Variants in CARD6 observed in about 807,000 individuals in gnomAD.
The protein encoded by CARD6 is caspase recruitment domain-containing protein 6.
Under a neutral mutation model 23.6 loss-of-function variants are expected in CARD6, and 27 were observed. The observed-to-expected ratio is 1.14, with a 90% CI of 0.84 to 1.58. The LOEUF is 1.58. CARD6 is among the 40% of genes most tolerant of loss of function. The probability of loss-of-function intolerance (pLI) is 0.00; values close to 1 mark genes in which losing one functional copy is unlikely to be tolerated. For synonymous variants in CARD6, 397 were observed against 431.8 expected, an observed-to-expected ratio of 0.92 and a Z score of 1.00; for missense variants, 1,214 against 1,209.9, an observed-to-expected ratio of 1.00 and a Z score of -0.05.
At chr5:40,847,803 AT>A (rs1286662187) in intron 2 of CARD6, among the ~76,000 whole-genome samples, 10 of 146,908 alleles carry the variant, frequency 6.8e-5, no homozygotes, top group Middle Eastern at 3.6e-3. Context: ...GTCTGGGGTG[AT>A]TTTTTTTTTC....
chr5:40,842,223 A>C (rs1745874777), intron 1 of CARD6, among the ~76,000 whole-genome samples: 1 of 152,246 alleles, frequency 6.6e-6, no homozygotes. Flanking sequence ...CTAGTAGTCC[A>C]TGAAAAAGCA....
rs976016463 is a variant in CARD6, at chr5:40,853,370, G to T, written c.2038G>T (p.Glu680Ter). Residue 680 changes from glutamate (E) to a stop codon, truncating the protein, a stop_gained, in exon 3 of 3, where the codon GAA becomes TAA. Transcript: ENST00000254691. LOFTEE classifies it low-confidence loss of function (END_TRUNC). ...SSGENMAGTA[E>*]GEGQQRHSQL... ...TGGAGAAAACATGGCTGGGACAGCT[G>T]AAGGTGAGGGTCAGCAAAGACACAG... 1 of 1,614,152 alleles carries T rather than the reference G, an allele frequency of 6.2e-7. No individual in the cohort carries two copies. Among genetic ancestry groups the T allele is most frequent in the African/African-American group, 1.3e-5 (1 of 75,046 alleles).
At chr5:40,844,868 C>CTT (rs761641223) in intron 2 of CARD6, among the ~76,000 whole-genome samples, 57 of 134,502 alleles carry the variant, frequency 4.2e-4, no homozygotes, top group South Asian at 9.6e-4. Flanking sequence ...TTGCTTCCTT[C>CTT]TTTTTTTTTT....
At chr5:40,848,927 A>G (rs1746011246) in intron 2 of CARD6, among the ~76,000 whole-genome samples, 1 of 151,844 alleles carries the variant, frequency 6.6e-6, no homozygotes, top group Non-Finnish European at 1.5e-5. Context: ...GTGTACATCT[A>G]CTCTGTTGCT....
Position 40,853,894 on chromosome 5 carries a change from C to A in CARD6, c.2562C>A (p.Ser854=). The change falls in exon 3 of 3, where the codon TCC becomes TCA. Residue 854 remains serine, a synonymous_variant. Transcript: ENST00000254691. ...AVASKIGHSY[S]LDSQPARAVG... is the part of the protein sequence containing the mutation. ...CCTCCAAGATAGGTCACTCCTATTC[C>A]CTGGATTCACAGCCAGCAAGAGCAG... is the stretch of plus-strand genomic sequence containing the variant. 1.9e-6 allele frequency: 3 copies of A among 1,614,140 alleles called. No homozygotes were observed. The highest frequency in any genetic ancestry group is 2.5e-6 in the Non-Finnish European group (3 of 1,180,034).
At chr5:40,844,868 CTTTTTTTTTTTT>C (rs761641223) in intron 2 of CARD6, among the ~76,000 whole-genome samples, 2 of 134,512 alleles carry the variant, frequency 1.5e-5, no homozygotes, top group Admixed American at 1.5e-4. Context: ...TTGCTTCCTT[CTTTTTTTTTTTT>C]TTTTTTTGAA....
chr5:40,850,024 A>G (rs755718035), intron 2 of CARD6, among the ~76,000 whole-genome samples: 5 of 152,066 alleles, frequency 3.3e-5, no homozygotes, highest in Non-Finnish European at 5.9e-5. Context: ...ATGGGAGATC[A>G]GGAAAAATTA....
chr5:40,843,597 T>C lies in CARD6; in HGVS notation c.729T>C (p.Gly243=). 1 of 1,608,422 alleles carries C rather than the reference T, an allele frequency of 6.2e-7. No individual in the cohort carries two copies. The highest frequency in any genetic ancestry group is 8.5e-7 in the Non-Finnish European group (1 of 1,178,614). ...ACCCAGAGCACGTTGGATATGATGG[T>C]GAAGAGGACTTCGAGAATTCAGAAA... ...YDDPEHVGYD[G]EEDFENSETT... Residue 243 remains glycine (G), a synonymous_variant, in exon 2 of 3, where the codon GGT becomes GGC. Coordinates refer to ENST00000254691, the MANE Select transcript of CARD6 (RefSeq NM_032587.4).
intron 2 of CARD6, among the ~76,000 whole-genome samples, chr5:40,844,390 C>T (rs933764898): frequency 5.9e-5 from 9 of 152,128 alleles, no homozygotes; most frequent in Non-Finnish European, 1.0e-4. Flanking sequence ...CCTGCCACCA[C>T]GCCTGGCTAA....
chr5:40,852,104 C>CA, intron 2 of CARD6, 70 bp from the exon 3 acceptor site: 4 of 998,130 alleles, frequency 4.0e-6, no homozygotes, highest in Non-Finnish European at 6.0e-6. Context: ...GAGACTGTCT[C>CA]AAAAAAAGAA....
chr5:40,854,042 G>A lies in CARD6; in HGVS notation c.2710G>A (p.Ala904Thr). The A allele has an allele frequency of 6.2e-7, 1 of 1,614,138 alleles. No homozygotes were observed. Among genetic ancestry groups the A allele is most frequent in the South Asian group, 1.1e-5 (1 of 91,086 alleles). Residue 904 changes from alanine (A) to threonine (T), a missense_variant, in exon 3 of 3, where the codon GCC becomes ACC. By Grantham distance (58) the Ala-to-Thr change is moderately conservative. Coordinates refer to ENST00000254691, the MANE Select transcript of CARD6 (RefSeq NM_032587.4). ...PHPQSFQPAA[A>T]TQKLRPASQQ... ...CCCTCAGTCCTTTCAACCAGCAGCA[G>A]CCACACAAAAACTAAGACCTGCTTC...
intron 1 of CARD6, among the ~76,000 whole-genome samples, chr5:40,842,570 T>G (rs1745879379): frequency 6.6e-6 from 1 of 152,208 alleles, no homozygotes; most frequent in South Asian, 2.1e-4. Context: ...TTCATATGAT[T>G]CAAATTTTTC....
Position 40,853,905 on chromosome 5 carries a change from A to G in CARD6, c.2573A>G (p.Gln858Arg). 3 of 1,614,202 alleles carry G rather than the reference A, an allele frequency of 1.9e-6. No homozygotes were observed. The highest frequency in any genetic ancestry group is 2.5e-6 in the Non-Finnish European group (3 of 1,180,038). The change falls in exon 3 of 3, where the codon CAG (glutamine) becomes CGG (arginine). Residue 858 changes from glutamine to arginine, a missense_variant. Coordinates refer to ENST00000254691, the MANE Select transcript of CARD6 (RefSeq NM_032587.4). ...GGTCACTCCTATTCCCTGGATTCACAGCCAGCAAGAGCAGTAGGGAAGCCA... is the reference window on the plus strand; with the variant it reads ...GGTCACTCCTATTCCCTGGATTCACGGCCAGCAAGAGCAGTAGGGAAGCCA... ...KIGHSYSLDSQPARAVGKPWP... is the reference protein window; with the variant it reads ...KIGHSYSLDSRPARAVGKPWP...
intron 2 of CARD6, among the ~76,000 whole-genome samples, chr5:40,850,229 A>T (rs1438827743): frequency 6.6e-6 from 1 of 151,776 alleles, no homozygotes; most frequent in Non-Finnish European, 1.5e-5. Context: ...CCTGGCTAAC[A>T]TAGTGAAACC....
intron 2 of CARD6, among the ~76,000 whole-genome samples, chr5:40,847,434 T>C (rs926806356): frequency 6.6e-6 from 1 of 152,234 alleles, no homozygotes; most frequent in Non-Finnish European, 1.5e-5. Context: ...CCCTGTGGCC[T>C]TTCTTTTTTC....
At chr5:40,845,087 C>T (rs1561213511) in intron 2 of CARD6, among the ~76,000 whole-genome samples, 1 of 151,792 alleles carries the variant, frequency 6.6e-6, no homozygotes, top group East Asian at 1.9e-4. Flanking sequence ...AGGCTGGTCT[C>T]GAACTCCTAA....
chr5:40,843,806 T>G (rs1745920742), intron 2 of CARD6, 97 bp downstream of exon 2: 2 of 767,478 alleles, frequency 2.6e-6, no homozygotes, highest in Non-Finnish European at 3.9e-6. Context: ...AAGGGACAGA[T>G]GTCAGCAGAA....
At chr5:40,841,795 A>G in intron 1 of CARD6, 130 bp downstream of exon 1, 1 of 778,224 alleles carries the variant, frequency 1.3e-6, no homozygotes, top group South Asian at 2.0e-5. Flanking sequence ...TTTCATTGAA[A>G]TATGAAATAG....
Position 40,854,268 on chromosome 5 carries a change from C to A in CARD6, c.2936C>A (p.Pro979His). 1.2e-6 allele frequency: 2 copies of A among 1,614,138 alleles called. No homozygotes were observed. The highest frequency in any genetic ancestry group is 1.7e-6 in the Non-Finnish European group (2 of 1,180,016). The change falls in exon 3 of 3, where the codon CCC (proline) becomes CAC (histidine). Residue 979 changes from proline to histidine, a missense_variant. Physicochemically the swap from Pro to His is moderately conservative, Grantham distance 77. Transcript: ENST00000254691. ...SSQTKSCQSQPSQTKPSPCKS... is the reference protein window; with the variant it reads ...SSQTKSCQSQHSQTKPSPCKS... ...CAGACAAAATCCTGTCAGTCCCAGC[C>A]CTCCCAAACTAAACCTTCTCCATGC...
Sources: gnomAD v4.1 joint callset for allele counts (sites outside exome capture counted in the v4.1 genomes callset) on GRCh38, gnomAD v4.1.1 for gene constraint, MANE v1.5 for transcripts, NCBI Gene and HGNC (gene_info 2026-07-23, HGNC 2026-07-21) for gene names.